The following ERGIC1 variants were observed in gnomAD, a reference collection of about 807,000 sequenced individuals.
ERGIC1 encodes endoplasmic reticulum-Golgi intermediate compartment protein 1.
Under a neutral mutation model 38.3 loss-of-function variants are expected in ERGIC1, and 19 were observed. The ratio of observed to expected loss-of-function variants is 0.50; its 90% confidence interval spans 0.35 to 0.73. The LOEUF (loss-of-function observed/expected upper bound fraction) is 0.73, where lower values mean the gene tolerates loss of function less well. ERGIC1 is among the 30% of genes least tolerant of loss of function. The probability of loss-of-function intolerance (pLI) is 0.01; values close to 1 mark genes in which losing one functional copy is unlikely to be tolerated. For synonymous variants in ERGIC1, 124 were observed against 157.6 expected, an observed-to-expected ratio of 0.79 and a Z score of 1.60; for missense variants, 294 against 389.2, an observed-to-expected ratio of 0.76 and a Z score of 2.06.
chr5:172,871,350 T>G (rs1280719994), intron 1 of ERGIC1, among the ~76,000 whole-genome samples: 2 of 152,184 alleles, frequency 1.3e-5, no homozygotes, highest in Non-Finnish European at 2.9e-5. Flanking sequence ...TTGCTGTCCC[T>G]TCTGCCTGGA....
intron 5 of ERGIC1, chr5:172,918,159 A>G (rs2113426226): frequency 6.6e-6 from 1 of 152,320 alleles, no homozygotes; most frequent in Middle Eastern, 3.4e-3. Context: ...CCCTTAATCA[A>G]TCAGTCAATA....
chr5:172,865,093 C>T (rs1204127555), intron 1 of ERGIC1, among the ~76,000 whole-genome samples: 1 of 139,996 alleles, frequency 7.1e-6, no homozygotes. Flanking sequence ...CTCACTCTGT[C>T]ACCCAGGCTG....
chr5:172,938,962 G>A (rs494842), intron 9 of ERGIC1, among the ~76,000 whole-genome samples: 1 of 151,742 alleles, frequency 6.6e-6, no homozygotes, highest in Non-Finnish European at 1.5e-5. Flanking sequence ...ACTTGGGAGG[G>A]TGAGGCAGGA....
chr5:172,938,781 CG>C (rs1324708038), intron 9 of ERGIC1, among the ~76,000 whole-genome samples: 1 of 140,356 alleles, frequency 7.1e-6, no homozygotes, highest in East Asian at 2.2e-4. Flanking sequence ...AAAAAGAAAT[CG>C]GCCGGGCACG....
rs796565475 is a variant in ERGIC1 at position 172,914,254 on chromosome 5, A to AAAAAAAAAAAT, written c.251-457_251-456insAAAAAAATAAA. Among the ~76,000 whole-genome samples the AAAAAAAAAAAT allele has an allele frequency of 7.4e-3, 962 of 130,852 alleles. 2 individuals are homozygous for AAAAAAAAAAAT. Among genetic ancestry groups the AAAAAAAAAAAT allele is most frequent in the Non-Finnish European group, 0.011 (684 of 62,386 alleles). 85.8% of individuals were successfully genotyped at this position (130,852 alleles called of 152,430 possible). A position where few individuals can be genotyped will look rare whatever the true frequency, so the allele number is the denominator to read the frequency against. On this transcript the variant is annotated intron_variant, in intron 4 of 9. Coordinates refer to ENST00000393784, the MANE Select transcript of ERGIC1 (RefSeq NM_001031711.3). ...TGTCTCAAAAAAAAAAAAAAAAAAA[A>AAAAAAAAAAAT]AAATACAAAGACTATCTGAGATACA...
chr5:172,903,968 T>TACACACACAC (rs70984919), intron 3 of ERGIC1, among the ~76,000 whole-genome samples: 7,078 of 150,358 alleles, frequency 0.047, 190 homozygotes, highest in Middle Eastern at 0.058. Flanking sequence ...GTCTCACACA[T>TACACACACAC]ACACACACAC....
At chr5:172,905,682 C>T (rs1383967816) in intron 3 of ERGIC1, among the ~76,000 whole-genome samples, 1 of 152,182 alleles carries the variant, frequency 6.6e-6, no homozygotes, top group Non-Finnish European at 1.5e-5. Flanking sequence ...TGGAAGTCAG[C>T]GGTGGGTCTG....
chr5:172,863,854 A>G (rs1429842290), intron 1 of ERGIC1, among the ~76,000 whole-genome samples: 2 of 152,054 alleles, frequency 1.3e-5, no homozygotes, highest in Non-Finnish European at 2.9e-5. Flanking sequence ...TTTGACATCT[A>G]CTCTCTGAAG....
chr5:172,892,061 T>C (rs931495772), intron 2 of ERGIC1, among the ~76,000 whole-genome samples: 12 of 101,510 alleles, frequency 1.2e-4, no homozygotes, highest in Middle Eastern at 4.9e-3. Context: ...TTAAAGAGTA[T>C]GTTTTTTTTT....
intron 6 of ERGIC1, among the ~76,000 whole-genome samples, chr5:172,925,718 T>C (rs1763635625): frequency 6.6e-6 from 1 of 152,100 alleles, no homozygotes; most frequent in South Asian, 2.1e-4. Context: ...CCCACTTTCC[T>C]CCAGATCTTG....
chr5:172,931,599 C>G (rs556795633), intron 7 of ERGIC1, among the ~76,000 whole-genome samples: 1 of 152,300 alleles, frequency 6.6e-6, no homozygotes, highest in East Asian at 1.9e-4. Flanking sequence ...AATACTGAAA[C>G]CTAGTTTGTT....
intron 4 of ERGIC1, among the ~76,000 whole-genome samples, chr5:172,914,234 CAAAAAA>C (rs35584191): frequency 8.8e-5 from 9 of 102,182 alleles, no homozygotes; most frequent in Non-Finnish European, 1.3e-4. Context: ...GACTCTGTCT[CAAAAAA>C]AAAAAAAAAA....
At chr5:172,913,179 C>A (rs1468819821) in intron 4 of ERGIC1, among the ~76,000 whole-genome samples, 1 of 152,268 alleles carries the variant, frequency 6.6e-6, no homozygotes, top group Non-Finnish European at 1.5e-5. Context: ...AGCCACTGAT[C>A]TGCTCTGAGC....
At chr5:172,863,393 T>C (rs1187546589) in intron 1 of ERGIC1, among the ~76,000 whole-genome samples, 1 of 152,218 alleles carries the variant, frequency 6.6e-6, no homozygotes, top group Non-Finnish European at 1.5e-5. Flanking sequence ...ATTTGTGTTA[T>C]TTGCTGCCCA....
At chr5:172,908,498 C>T (rs13189687) in intron 3 of ERGIC1, among the ~76,000 whole-genome samples, 102,927 of 151,290 alleles carry the variant, frequency 0.68, 35,422 homozygotes, top group Non-Finnish European at 0.74. Context: ...ATTGCTTGGA[C>T]CTGGGAGATG....
Position 172,897,025 on chromosome 5 carries a change from A to T in ERGIC1, c.106A>T (p.Ile36Phe). 1 of 1,613,944 alleles carries T rather than the reference A, an allele frequency of 6.2e-7. No homozygotes were observed. Among genetic ancestry groups the T allele is most frequent in the Non-Finnish European group, 8.5e-7 (1 of 1,179,964 alleles). Residue 36 changes from isoleucine (I) to phenylalanine (F), a missense_variant, in exon 3 of 10, where the codon ATC becomes TTC. Physicochemically the swap from Ile to Phe is conservative, Grantham distance 21. Coordinates refer to ENST00000393784, the MANE Select transcript of ERGIC1 (RefSeq NM_001031711.3). ...AIISICCCLF[I>F]LFLFLSELTG... ...AGTCTCCATCTGCTGCTGCCTCTTC[A>T]TCCTCTTCCTCTTCCTCTCGGAGCT... is the stretch of plus-strand genomic sequence containing the variant.
rs561297078 is a variant in ERGIC1, at chr5:172,897,204, G to A, written c.155+130G>A. The A allele has an allele frequency of 8.6e-5, 66 of 770,800 alleles. 1 individual carries two copies. The highest frequency in any genetic ancestry group is 8.0e-4 in the South Asian group (48 of 60,264). 47.7% of individuals were successfully genotyped at this position (770,800 alleles called of 1,614,324 possible). On this transcript the variant is annotated intron_variant, in intron 3 of 9. Transcript: ENST00000393784. ...AACACTTTGGGAGGCCGAGGCGGGCGGATCACCTGAGGTCAGGAGTTGGAG... is the reference window on the plus strand; with the variant it reads ...AACACTTTGGGAGGCCGAGGCGGGCAGATCACCTGAGGTCAGGAGTTGGAG...
At chr5:172,918,513 G>A (rs1763430800) in intron 5 of ERGIC1, among the ~76,000 whole-genome samples, 1 of 152,230 alleles carries the variant, frequency 6.6e-6, no homozygotes, top group Non-Finnish European at 1.5e-5. Flanking sequence ...CAGGAAGGAG[G>A]AAGCAAAGGC....
intron 1 of ERGIC1, among the ~76,000 whole-genome samples, chr5:172,879,663 G>A (rs1350235287): frequency 5.9e-5 from 9 of 152,226 alleles, no homozygotes; most frequent in Admixed American, 3.9e-4. Context: ...TCTCCATGGA[G>A]GCCATCAAGG....
Sources: allele counts gnomAD v4.1 joint callset (sites outside exome capture counted in the v4.1 genomes callset), GRCh38; gene constraint gnomAD v4.1.1; transcripts MANE v1.5; gene names NCBI Gene and HGNC (gene_info 2026-07-23, HGNC 2026-07-21).